HSDL1: variants seen among roughly 807,000 people sequenced by gnomAD.
HSDL1 encodes inactive hydroxysteroid dehydrogenase-like protein 1.
A neutral mutation model predicts 31.5 loss-of-function variants in HSDL1; 29 were observed. The ratio of observed to expected loss-of-function variants is 0.92; its 90% confidence interval spans 0.69 to 1.26. The LOEUF is 1.26. Ranked by LOEUF, HSDL1 falls within the 50% of genes most tolerant of loss-of-function variation. HSDL1 has a pLI of 0.00. For synonymous variants in HSDL1, 222 were observed against 155.2 expected, an observed-to-expected ratio of 1.43 and a Z score of -3.20; for missense variants, 503 against 416.6, an observed-to-expected ratio of 1.21 and a Z score of -1.81.
chr16:84,130,492 C>T, intron 3 of HSDL1, 61 bp from the exon 4 acceptor site: 1 of 1,350,568 alleles, frequency 7.4e-7, no homozygotes. Context: ...TTAAAATGGA[C>T]CCAAAGTACC....
In HSDL1 at chr16:84,124,718, G is replaced by T. The variant is rs2086586006; in HGVS notation, c.905C>A (p.Ala302Glu). The stretch of plus-strand genomic sequence containing the variant: ...CCAGAGCCATTCAGGCATATACTGT[G>T]CAAAAAGAAACTAAAAATGAAAGAG... Reference protein sequence around the residue: ...YWSHSIQFLFAQYMPEWLWVW... With the variant: ...YWSHSIQFLFEQYMPEWLWVW... The change falls in exon 6 of 6, where the codon GCA becomes GAA. Residue 302 changes from alanine (A) to glutamate (E), a missense_variant. Physicochemically the swap from Ala to Glu is moderately radical, Grantham distance 107. Transcript: ENST00000219439. 1.9e-6 allele frequency: 3 copies of T among 1,611,602 alleles called. No individual in the cohort carries two copies. Among genetic ancestry groups the T allele is most frequent in the Admixed American group, 1.7e-5 (1 of 59,930 alleles).
At chr16:84,131,577 C>G (rs953432606) in intron 2 of HSDL1, among the ~76,000 whole-genome samples, 1 of 152,090 alleles carries the variant, frequency 6.6e-6, no homozygotes, top group Non-Finnish European at 1.5e-5. Flanking sequence ...TGCAGTGGTG[C>G]GATTTTGGCT....
chr16:84,139,362 A>C (rs372814815), intron 1 of HSDL1: 6 of 151,988 alleles, frequency 3.9e-5, no homozygotes, highest in African/African-American at 1.2e-4. Context: ...ACAAAGGGAG[A>C]GGTCAGAGAG....
chr16:84,136,119 T>C (rs971896743), intron 1 of HSDL1, among the ~76,000 whole-genome samples: 2 of 152,216 alleles, frequency 1.3e-5, no homozygotes, highest in Non-Finnish European at 2.9e-5. Flanking sequence ...CGGGCTGCCC[T>C]GGCTTCTCTT....
intron 1 of HSDL1, among the ~76,000 whole-genome samples, chr16:84,144,035 A>ACCCTCC (rs1464063912): frequency 3.5e-5 from 4 of 112,880 alleles, no homozygotes; most frequent in African/African-American, 7.0e-5. Context: ...ATCAATCAAC[A>ACCCTCC]CCCTCCCCCT....
intron 2 of HSDL1, among the ~76,000 whole-genome samples, chr16:84,131,547 C>T (rs559700589): frequency 5.3e-5 from 8 of 151,424 alleles, no homozygotes; most frequent in Non-Finnish European, 1.2e-4. Flanking sequence ...CAGAGTCTCA[C>T]CCTGTCGCCC....
rs2086577105 is a variant in HSDL1 at position 84,123,791 on chromosome 16, C to A, written c.*839G>T. ...AATCACTATTTATCCACAAGAATTG[C>A]CTTATAAATCAAAAGATGACTGCAG... On this transcript the variant is annotated 3_prime_UTR_variant, in exon 6 of 6. Coordinates refer to ENST00000219439, the MANE Select transcript of HSDL1 (RefSeq NM_031463.5). 1.3e-5 allele frequency: 2 copies of A among 152,300 alleles called. No homozygotes were observed. Among genetic ancestry groups the A allele is most frequent in the African/African-American group, 4.8e-5 (2 of 41,418 alleles). 9.4% of individuals were successfully genotyped at this position (152,300 alleles called of 1,614,324 possible).
intron 2 of HSDL1, among the ~76,000 whole-genome samples, chr16:84,133,559 G>C (rs1441008682): frequency 2.0e-5 from 3 of 152,240 alleles, no homozygotes; most frequent in South Asian, 2.1e-4. Context: ...GTGAAACCTC[G>C]TCTCTATTAA....
chr16:84,140,215 C>T (rs11860239), intron 1 of HSDL1, among the ~76,000 whole-genome samples: 10,665 of 152,256 alleles, frequency 0.07, 1,201 homozygotes, highest in African/African-American at 0.24. Flanking sequence ...AAGGAGAGCA[C>T]AGGCCTCTGG....
chr16:84,144,061 T>TCTCC lies in HSDL1; in HGVS notation c.-69+1015_-69+1018dup, dbSNP rs1242204413. On this transcript the variant is annotated intron_variant, in intron 1 of 5. Transcript: ENST00000219439. ...CCCTCCCCCTCCCCCTCCCTCTCCC[T>TCTCC]CTCCCTCCCTCCCTCTCTCTCTCTC... 5.8e-4 allele frequency among the ~76,000 whole-genome samples: 30 copies of TCTCC among 51,314 alleles called. No homozygotes were observed. The South Asian group carries it at 0.015, about 26-fold the overall frequency. 33.7% of individuals were successfully genotyped at this position (51,314 alleles called of 152,430 possible).
In HSDL1 at chr16:84,135,370, G is replaced by C. The variant is rs531430580; in HGVS notation, c.-7+174C>G. On this transcript the variant is annotated intron_variant, in intron 2 of 5. Transcript: ENST00000219439. ...TAGAGTAAGGCTCTCGCTACAAAAA[G>C]GAGGTCAGGCATGCCTCATGGAGGA... is the stretch of plus-strand genomic sequence containing the variant. 5.3e-5 allele frequency among the ~76,000 whole-genome samples: 8 copies of C among 152,294 alleles called. No homozygotes were observed. The South Asian group carries it at 1.7e-3, about 32-fold the overall frequency.
Position 84,125,884 on chromosome 16 carries a change from A to G in HSDL1, c.895-1156T>C, listed in dbSNP as rs377562197. Among the ~76,000 whole-genome samples, 45 of 152,312 alleles carry G rather than the reference A, an allele frequency of 3.0e-4. No individual in the cohort carries two copies. In the South Asian group the frequency reaches 8.7e-3, roughly 29 times the overall value. On this transcript the variant is annotated intron_variant, in intron 5 of 5. Coordinates refer to ENST00000219439, the MANE Select transcript of HSDL1 (RefSeq NM_031463.5). ...TTTGGGAGGCCGAGGCGGGTGGATC[A>G]TGAGGTCAGGAGATCGAGACCATCC...
chr16:84,141,528 C>A (rs1157191055), intron 1 of HSDL1, among the ~76,000 whole-genome samples: 3 of 152,244 alleles, frequency 2.0e-5, no homozygotes, highest in Non-Finnish European at 4.4e-5. Flanking sequence ...CAAGAGTTCG[C>A]AAAGGGATTT....
rs148654230 is a variant in HSDL1 at position 84,130,046 on chromosome 16, C to G, written c.606G>C (p.Thr202=). Residue 202 remains threonine, a synonymous_variant, in exon 4 of 6, where the codon ACG becomes ACC. Transcript: ENST00000219439. ...GTTTGCAGCAGGAGCCAGAAGAGAT[C>G]GTGACGATGGCACCTTTCTTTCTCT... The part of the protein sequence containing the change: ...MVERKKGAIV[T]ISSGSCCKPT... The G allele has an allele frequency of 1.2e-6, 2 of 1,614,168 alleles. No individual in the cohort carries two copies. Among genetic ancestry groups the G allele is most frequent in the Admixed American group, 1.7e-5 (1 of 60,016 alleles).
intron 5 of HSDL1, among the ~76,000 whole-genome samples, chr16:84,126,027 G>A (rs1320710419): frequency 6.6e-6 from 1 of 151,662 alleles, no homozygotes; most frequent in African/African-American, 2.4e-5. Context: ...GGTGTGAACC[G>A]GGGAGGCGGA....
At chr16:84,143,789 G>C (rs1209485270) in intron 1 of HSDL1, among the ~76,000 whole-genome samples, 2 of 150,834 alleles carry the variant, frequency 1.3e-5, no homozygotes, top group African/African-American at 4.9e-5. Context: ...TTGAGGCCAG[G>C]AGTTCAAGGC....
In HSDL1 at chr16:84,131,182, A is replaced by G. The variant is rs1555517035; in HGVS notation, c.140T>C (p.Leu47Pro). Residue 47 changes from leucine to proline, a missense_variant, in exon 3 of 6, where the codon CTG becomes CCG. Transcript: ENST00000219439. ...GCGGGGGATAAAATGCAGCCTGATC[A>G]GGCTGTAAAAGTCACAGATGACAGT... The part of the protein sequence containing the change: ...SITVICDFYS[L>P]IRLHFIPRLG... The G allele has an allele frequency of 1.9e-6, 3 of 1,614,218 alleles. No homozygotes were observed. The highest frequency in any genetic ancestry group is 1.7e-6 in the Non-Finnish European group (2 of 1,180,030).
At chr16:84,142,355 C>A (rs1018821390) in intron 1 of HSDL1, among the ~76,000 whole-genome samples, 1 of 150,242 alleles carries the variant, frequency 6.7e-6, no homozygotes, top group East Asian at 2.0e-4. Context: ...AGAAATTTTA[C>A]ATTTTTGCTT....
At chr16:84,142,430 CTTTTTT>C (rs34954052) in intron 1 of HSDL1, among the ~76,000 whole-genome samples, 14 of 81,408 alleles carry the variant, frequency 1.7e-4, no homozygotes, top group African/African-American at 7.7e-4. Flanking sequence ...TCTCACACAT[CTTTTTT>C]TTTTTTTTTT....
Sources: gnomAD v4.1 joint callset for allele counts (sites outside exome capture counted in the v4.1 genomes callset) on GRCh38, gnomAD v4.1.1 for gene constraint, MANE v1.5 for transcripts, NCBI Gene and HGNC (gene_info 2026-07-23, HGNC 2026-07-21) for gene names.